AKR1C3: variants seen among roughly 807,000 people sequenced by gnomAD.
AKR1C3 encodes the protein aldo-keto reductase family 1 member C3, also known as 3-alpha hydroxysteroid dehydrogenase, type II.
AKR1C3 carries 48 observed loss-of-function variants against 43.6 expected under a neutral mutation model. The observed-to-expected ratio is 1.10, with a 90% CI of 0.87 to 1.40. AKR1C3 has a LOEUF of 1.40. AKR1C3 is among the 40% of genes most tolerant of loss of function. The pLI is 0.00. For missense variants in AKR1C3, 482 were observed against 391.2 expected (o/e 1.23, Z -1.96); for synonymous variants, 162 against 139.6 (o/e 1.16, Z -1.13).
chr10:5,062,584 C>G (rs879992670), intron 1 of AKR1C3, among the ~76,000 whole-genome samples: 1 of 152,146 alleles, frequency 6.6e-6, no homozygotes, highest in Non-Finnish European at 1.5e-5. Context: ...GTTCCACCTG[C>G]ACTTTCTTAT....
rs72563151 is a variant in AKR1C3 at position 5,099,101 on chromosome 10, G to A, written c.447+222G>A. On this transcript the variant is annotated intron_variant, in intron 4 of 8. Transcript: ENST00000380554. ...AGGACAGGAATCTCTTTCCTTGCTTGTGCATTAATCTATCCAGTTTCCTAA... is the reference window on the plus strand; with the variant it reads ...AGGACAGGAATCTCTTTCCTTGCTTATGCATTAATCTATCCAGTTTCCTAA... Among the ~76,000 whole-genome samples, 941 of 152,286 alleles carry A rather than the reference G, an allele frequency of 6.2e-3. 9 individuals carry two copies. The highest frequency in any genetic ancestry group is 0.022 in the African/African-American group (904 of 41,546).
chr10:5,101,228 G>T (rs1289047086), intron 5 of AKR1C3, among the ~76,000 whole-genome samples: 7 of 152,114 alleles, frequency 4.6e-5, no homozygotes, highest in Admixed American at 6.5e-5. Flanking sequence ...AATCCACTGG[G>T]TGATAATTCC....
chr10:5,096,523 A>C lies in AKR1C3; in HGVS notation c.198A>C (p.Arg66=). 6.2e-7 allele frequency: 1 copy of C among 1,613,880 alleles called. No homozygotes were observed. The highest frequency in any genetic ancestry group is 8.5e-7 in the Non-Finnish European group (1 of 1,179,802). ...NNEEQVGLAI[R]SKIADGSVKR... is the part of the protein sequence containing the mutation. ...AGGAGCAGGTTGGACTGGCCATCCG[A>C]AGCAAGATTGCAGATGGCAGTGTGA... The change falls in exon 2 of 9, where the codon CGA becomes CGC. Residue 66 remains arginine, a synonymous_variant. Transcript: ENST00000380554.
rs1838512248 is a variant in AKR1C3, at chr10:5,066,737, A to G, written c.84+17842A>G. On this transcript the variant is annotated intron_variant, in intron 1 of 8. Transcript: ENST00000439082. ...GTCTCATCTCCTTCACTGAATTTCC[A>G]TAATCTTCATTTAATGTATTTTTCC... is the stretch of plus-strand genomic sequence containing the variant. Among the ~76,000 whole-genome samples, 6 of 152,212 alleles carry G rather than the reference A, an allele frequency of 3.9e-5. No individual in the cohort carries two copies. The South Asian group carries it at 1.2e-3, about 31-fold the overall frequency.
intron 1 of AKR1C3, among the ~76,000 whole-genome samples, chr10:5,074,568 G>A (rs574339183): frequency 6.6e-6 from 1 of 152,286 alleles, no homozygotes; most frequent in Admixed American, 6.5e-5. Flanking sequence ...CTTCTCTTAA[G>A]TGCTGCTATC....
In AKR1C3 at chr10:5,056,513, A is replaced by G. The variant is rs936256292; in HGVS notation, c.84+7618A>G. 2.0e-5 allele frequency among the ~76,000 whole-genome samples: 3 copies of G among 152,164 alleles called. No homozygotes were observed. In the South Asian group the frequency reaches 6.2e-4, roughly 32 times the overall value. On this transcript the variant is annotated intron_variant, in intron 1 of 8. Coordinates refer to the AKR1C3 transcript ENST00000439082. ...GCAGGGACTGCTGCATTTCCTTACT[A>G]AGGCTTGAGCTTTCAAATGTTTAAC...
At chr10:5,063,789 AG>A (rs1838434808) in intron 1 of AKR1C3, among the ~76,000 whole-genome samples, 1 of 134,908 alleles carries the variant, frequency 7.4e-6, no homozygotes, top group African/African-American at 2.7e-5. Context: ...AAAAAAAAAA[AG>A]GAAAATGGCA....
chr10:5,053,483 C>T (rs1211710754), intron 1 of AKR1C3, among the ~76,000 whole-genome samples: 2 of 152,244 alleles, frequency 1.3e-5, no homozygotes, highest in African/African-American at 4.8e-5. Flanking sequence ...ATGCCTCTCC[C>T]TCCACACCTC....
chr10:5,107,488 T>C lies in AKR1C3; in HGVS notation c.957T>C (p.Tyr319=), dbSNP rs1839536476. 3 of 1,587,562 alleles carry C rather than the reference T, an allele frequency of 1.9e-6. No individual in the cohort carries two copies. Among genetic ancestry groups the C allele is most frequent in the African/African-American group, 1.3e-5 (1 of 74,210 alleles). ...TTGCTAGCCACCCTAATTATCCATA[T>C]TCAGATGAATATTAACATGGAGGGC... ...DSFASHPNYP[Y]SDEY Residue 319 remains tyrosine, a synonymous_variant, in exon 9 of 9, where the codon TAT becomes TAC. Coordinates refer to ENST00000380554, the MANE Select transcript of AKR1C3 (RefSeq NM_003739.6).
At chr10:5,107,258 C>T (rs587626411) in intron 8 of AKR1C3, among the ~76,000 whole-genome samples, 1 of 152,198 alleles carries the variant, frequency 6.6e-6, no homozygotes, top group South Asian at 2.1e-4. Flanking sequence ...GTGTTAACTT[C>T]CAGATAAGGG....
chr10:5,059,402 G>A (rs1261795423), intron 1 of AKR1C3, among the ~76,000 whole-genome samples: 3 of 152,166 alleles, frequency 2.0e-5, no homozygotes, highest in Non-Finnish European at 4.4e-5. Flanking sequence ...TCTCACTTGG[G>A]CGACATGCCT....
chr10:5,056,300 A>G (rs1838261265), intron 1 of AKR1C3, among the ~76,000 whole-genome samples: 2 of 152,156 alleles, frequency 1.3e-5, no homozygotes, highest in Non-Finnish European at 2.9e-5. Flanking sequence ...GTGCAGGGGA[A>G]TACAGAAGAA....
rs1554786135 is a variant in AKR1C3 at position 5,102,178 on chromosome 10, T to C, written c.648T>C (p.Tyr216=). 1.2e-6 allele frequency: 2 copies of C among 1,614,032 alleles called. No individual in the cohort carries two copies. Among genetic ancestry groups the C allele is most frequent in the Non-Finnish European group, 1.7e-6 (2 of 1,179,872 alleles). ...CGAAAGATATTGTTCTGGTTGCCTA[T>C]AGTGCTCTGGGATCTCAACGAGACA... ...CKSKDIVLVA[Y]SALGSQRDKR... Residue 216 remains tyrosine, a synonymous_variant, in exon 6 of 9, where the codon TAT becomes TAC. Transcript: ENST00000380554.
At chr10:5,071,861 C>T (rs1588339452) in intron 1 of AKR1C3, among the ~76,000 whole-genome samples, 2 of 152,198 alleles carry the variant, frequency 1.3e-5, no homozygotes, top group African/African-American at 4.8e-5. Flanking sequence ...TGATTCCACT[C>T]AGTCTCTGCT....
At chr10:5,051,343 C>A (rs1838149575) in intron 1 of AKR1C3, among the ~76,000 whole-genome samples, 1 of 152,302 alleles carries the variant, frequency 6.6e-6, no homozygotes, top group Non-Finnish European at 1.5e-5. Context: ...GTGATCCACT[C>A]ACCTTGGCCT....
At chr10:5,090,214 G>A (rs1554783965), upstream of AKR1C3, among the ~76,000 whole-genome samples, 3 of 152,062 alleles carry the variant, frequency 2.0e-5, no homozygotes, top group Non-Finnish European at 4.4e-5. Context: ...GATATATCTG[G>A]GTAGAGCTGG....
At chr10:5,095,564 G>A (rs965805551) in intron 1 of AKR1C3, among the ~76,000 whole-genome samples, 2 of 151,084 alleles carry the variant, frequency 1.3e-5, no homozygotes, top group Non-Finnish European at 2.9e-5. Context: ...AAACAAGAAA[G>A]CTTCTTTAAA....
At chr10:5,063,588 A>G (rs1838425094) in intron 1 of AKR1C3, among the ~76,000 whole-genome samples, 1 of 151,742 alleles carries the variant, frequency 6.6e-6, no homozygotes. Context: ...TTGAGGCCAG[A>G]AGTTTGAGGC....
At chr10:5,068,032 A>G (rs1167021907) in intron 1 of AKR1C3, among the ~76,000 whole-genome samples, 1 of 152,206 alleles carries the variant, frequency 6.6e-6, no homozygotes, top group East Asian at 1.9e-4. Context: ...TTGTATATTT[A>G]AATAATTTTA....
Sources: allele counts gnomAD v4.1 joint callset (sites outside exome capture counted in the v4.1 genomes callset), GRCh38; gene constraint gnomAD v4.1.1; transcripts MANE v1.5; gene names NCBI Gene and HGNC (gene_info 2026-07-23, HGNC 2026-07-21).